Variants in ACP4 observed in about 807,000 individuals in gnomAD.
ACP4 encodes the protein acid phosphatase 4.
ACP4 carries 49 observed loss-of-function variants against 47.3 expected under a neutral mutation model. The observed-to-expected ratio is 1.04, with a 90% CI of 0.82 to 1.32. The LOEUF (loss-of-function observed/expected upper bound fraction) is 1.32. Ranked by LOEUF, ACP4 falls within the 40% of genes most tolerant of loss-of-function variation. The probability of loss-of-function intolerance (pLI) is 0.00; values close to 1 mark genes in which losing one functional copy is unlikely to be tolerated. For missense variants in ACP4, 594 were observed against 579.3 expected, an observed-to-expected ratio of 1.03 and a Z score of -0.26; for synonymous variants, 299 against 265.3, an observed-to-expected ratio of 1.13 and a Z score of -1.23.
At position 50,794,565 on chromosome 19, in the gene ACP4, C is replaced by A; in HGVS notation, c.970C>A (p.Pro324Thr). 1 of 1,614,030 alleles carries A rather than the reference C, an allele frequency of 6.2e-7. No homozygotes were observed. Among genetic ancestry groups the A allele is most frequent in the Non-Finnish European group, 8.5e-7 (1 of 1,180,000 alleles). ...GFEFRKHLGN[P>T]AKDGGNVTVS... ...TGAGTTCCGGAAGCACCTGGGGAATCCCGCCAAAGATGGAGGGTGAGAATG... is the reference window on the plus strand; with the variant it reads ...TGAGTTCCGGAAGCACCTGGGGAATACCGCCAAAGATGGAGGGTGAGAATG... Residue 324 changes from proline (P) to threonine (T), a missense_variant, in exon 9 of 11, where the codon CCC becomes ACC. By Grantham distance (38) the Pro-to-Thr change is conservative (BLOSUM62 -1). Coordinates refer to ENST00000270593, the MANE Select transcript of ACP4 (RefSeq NM_033068.3).
rs1054105766 is a variant in ACP4, at chr19:50,793,603, G to A, written c.646-81G>A. 34 of 1,560,676 alleles carry A rather than the reference G, an allele frequency of 2.2e-5. No homozygotes were observed. The African/African-American group carries it at 3.3e-4, about 15-fold the overall frequency. ...ATCCGGCCCATGGGGGGACTCAGAA[G>A]AGCAGGGGGCAGCACAGGCCTGCGG... is the stretch of plus-strand genomic sequence containing the variant. On this transcript the variant is annotated intron_variant, in intron 6 of 10. Transcript: ENST00000270593.
At position 50,791,637 on chromosome 19, in the gene ACP4, T is replaced by G; in HGVS notation, c.304-19T>G. 1 of 1,593,320 alleles carries G rather than the reference T, an allele frequency of 6.3e-7. No individual in the cohort carries two copies. The highest frequency in any genetic ancestry group is 8.6e-7 in the Non-Finnish European group (1 of 1,168,886). On this transcript the variant is annotated intron_variant, in intron 3 of 10. Transcript: ENST00000270593. ...CCCAACCACGACCCCCCGCGTGCCCTCTCTCCACCCCGCTCCAGGTGTACA... is the reference window on the plus strand; with the variant it reads ...CCCAACCACGACCCCCCGCGTGCCCGCTCTCCACCCCGCTCCAGGTGTACA...
At chr19:50,791,430 T>G (rs969354573) in intron 3 of ACP4, among the ~76,000 whole-genome samples, 1 of 152,158 alleles carries the variant, frequency 6.6e-6, no homozygotes, top group African/African-American at 2.4e-5. Context: ...ATTGACTCAA[T>G]TGACCCCCTA....
intron 8 of ACP4, among the ~76,000 whole-genome samples, 171 bp downstream of exon 8, chr19:50,794,141 G>A (rs1375346398): frequency 6.6e-6 from 1 of 152,204 alleles, no homozygotes; most frequent in African/African-American, 2.4e-5. Flanking sequence ...AAAGAGGGAG[G>A]TGACGGTGTT....
intron 3 of ACP4, 78 bp downstream of exon 3, chr19:50,790,938 C>T: frequency 7.2e-7 from 1 of 1,381,690 alleles, no homozygotes; most frequent in Non-Finnish European, 9.8e-7. Context: ...TCTCTTTGGG[C>T]CTCCACCTCT....
intron 3 of ACP4, 54 bp from the exon 4 acceptor site, chr19:50,791,602 G>C (rs535889418): frequency 1.1e-5 from 18 of 1,576,526 alleles, no homozygotes; most frequent in Non-Finnish European, 1.6e-5. Flanking sequence ...CACGACAGCT[G>C]ACCTCTGTCC....
At position 50,791,816 on chromosome 19, in the gene ACP4, A is replaced by G. The variant is rs772721896; in HGVS notation, c.450+14A>G. 8.2e-6 allele frequency: 13 copies of G among 1,581,866 alleles called. No individual in the cohort carries two copies. The highest frequency in any genetic ancestry group is 2.7e-5 in the African/African-American group (2 of 74,298). On this transcript the variant is annotated intron_variant, in intron 4 of 10. Coordinates refer to ENST00000270593, the MANE Select transcript of ACP4 (RefSeq NM_033068.3). ...GCTGAGGATAAGGTCAGGGGGCTGG[A>G]CCCACGTGTGGCGAGGGAGGGAGCG...
Position 50,792,172 on chromosome 19 carries a change from G to A in ACP4, c.549+1G>A. On this transcript the variant is annotated splice_donor_variant, in intron 5 of 10. Transcript: ENST00000270593. LOFTEE classifies it high-confidence loss of function. ...CCAGGAGGCCCTGGAGGGCTGGACG[G>A]TGAGCAGGGCGGCGGTGGGGGGCGG... The A allele has an allele frequency of 6.2e-7, 1 of 1,610,504 alleles. No homozygotes were observed. Among genetic ancestry groups the A allele is most frequent in the Non-Finnish European group, 8.5e-7 (1 of 1,179,468 alleles).
chr19:50,792,233 C>A lies in ACP4; in HGVS notation c.550-9C>A, dbSNP rs59340026. On this transcript the variant is annotated splice_polypyrimidine_tract_variant and intron_variant, in intron 5 of 10. Transcript: ENST00000270593. ...ATGGGCCTGGGCTCACCCAGCCCCG[C>A]GCATCCAGGGCTTCCTGAGTCGCCT... is the stretch of plus-strand genomic sequence containing the variant. 1 of 1,612,658 alleles carries A rather than the reference C, an allele frequency of 6.2e-7. No homozygotes were observed. Among genetic ancestry groups the A allele is most frequent in the African/African-American group, 1.3e-5 (1 of 74,924 alleles).
At chr19:50,793,594 G>C in intron 6 of ACP4, 90 bp from the exon 7 acceptor site, 5 of 1,530,242 alleles carry the variant, frequency 3.3e-6, no homozygotes, top group Admixed American at 2.0e-5. Context: ...CCCATGGGGG[G>C]ACTCAGAAGA....
Position 50,791,647 on chromosome 19 carries a change from C to T in ACP4, c.304-9C>T. 6.2e-7 allele frequency: 1 copy of T among 1,606,882 alleles called. No homozygotes were observed. Among genetic ancestry groups the T allele is most frequent in the Non-Finnish European group, 8.5e-7 (1 of 1,175,244 alleles). ...ACCCCCCGCGTGCCCTCTCTCCACC[C>T]CGCTCCAGGTGTACATCCGCAGCAC... is the stretch of plus-strand genomic sequence containing the variant. On this transcript the variant is annotated splice_polypyrimidine_tract_variant and intron_variant, in intron 3 of 10. Transcript: ENST00000270593.
chr19:50,793,652 C>G, intron 6 of ACP4, 32 bp from the exon 7 acceptor site: 1 of 1,607,274 alleles, frequency 6.2e-7, no homozygotes, highest in Non-Finnish European at 8.5e-7. Context: ...CTCGAGGGCT[C>G]AGGATGGTCC....
In ACP4 at chr19:50,794,870, T is replaced by C. The variant is rs1490820345; in HGVS notation, c.1071T>C (p.Cys357=). ...GCCTCCCCGGGTGCCCGGCCCCCTG[T>C]CCACTAGGCCGCTTCTACCAGCTGA... is the stretch of plus-strand genomic sequence containing the variant. ...PLSLPGCPAP[C]PLGRFYQLTA... The change falls in exon 10 of 11, where the codon TGT becomes TGC. Residue 357 remains cysteine (C), a synonymous_variant. Coordinates refer to ENST00000270593, the MANE Select transcript of ACP4 (RefSeq NM_033068.3). The C allele has an allele frequency of 1.2e-6, 2 of 1,613,750 alleles. No individual in the cohort carries two copies. The highest frequency in any genetic ancestry group is 1.7e-4 in the Middle Eastern group (1 of 6,056).
At chr19:50,793,843 G>C (rs775072153) in intron 7 of ACP4, 27 bp downstream of exon 7, 1 of 1,614,108 alleles carries the variant, frequency 6.2e-7, no homozygotes, top group East Asian at 2.2e-5. Flanking sequence ...GGAGGCTGGG[G>C]TGCCTTCCTC....
Position 50,795,131 on chromosome 19 carries a change from C to A in ACP4, c.1254C>A (p.Cys418Ter). The change falls in exon 11 of 11, where the codon TGC becomes TGA. Residue 418 changes from cysteine (C) to a stop codon, truncating the protein, a stop_gained. Transcript: ENST00000270593. LOFTEE classifies it high-confidence loss of function. Reference sequence around the variant, plus strand: ...GCCTGCTGGCCTGGAGACCAGGGTGCCTGCGGGCCTTGGGGGGCCCCGTGT... The same window carrying A: ...GCCTGCTGGCCTGGAGACCAGGGTGACTGCGGGCCTTGGGGGGCCCCGTGT... ...GLGLLAWRPGCLRALGGPV is the reference protein window; with the variant it reads ...GLGLLAWRPG 6.4e-7 allele frequency: 1 copy of A among 1,557,794 alleles called. No homozygotes were observed.
rs776940589 is a variant in ACP4 at position 50,795,171 on chromosome 19, G to C, written c.*13G>C. ...GGGCCCCGTGTGAGCCAGAAACCAG[G>C]GCTTCCCTACCCCCAGCTGACACTG... On this transcript the variant is annotated 3_prime_UTR_variant, in exon 11 of 11. Coordinates refer to ENST00000270593, the MANE Select transcript of ACP4 (RefSeq NM_033068.3). 60 of 1,530,288 alleles carry C rather than the reference G, an allele frequency of 3.9e-5. 1 individual carries two copies. In the South Asian group the frequency reaches 6.8e-4, roughly 17 times the overall value. 94.8% of individuals were successfully genotyped at this position (1,530,288 alleles called of 1,614,324 possible).
rs762058924 is a variant in ACP4 at position 50,794,957 on chromosome 19, C to T, written c.1158C>T (p.Ile386=). The change falls in exon 10 of 11, where the codon ATC becomes ATT. Residue 386 remains isoleucine (I), a synonymous_variant. Transcript: ENST00000270593. The stretch of plus-strand genomic sequence containing the variant: ...GCCATGGCCCCTATGAGGCTGCCAT[C>T]CCCCCAGGTGACAGTCCTCTGTGTT... ...VSCHGPYEAA[I]PPAPVVPLLA... is the part of the protein sequence containing the mutation. 2 of 1,612,750 alleles carry T rather than the reference C, an allele frequency of 1.2e-6. No homozygotes were observed. Among genetic ancestry groups the T allele is most frequent in the Non-Finnish European group, 1.7e-6 (2 of 1,179,468 alleles).
intron 8 of ACP4, 68 bp from the exon 9 acceptor site, chr19:50,794,389 C>T: frequency 6.3e-7 from 1 of 1,589,982 alleles, no homozygotes. Context: ...TCTGGATGCG[C>T]AAGTGTAGTG....
rs1297198594 is a variant in ACP4, at chr19:50,790,562, C to T, written c.112-32C>T. The stretch of plus-strand genomic sequence containing the variant: ...CCACCCCGGCCTGCCCTTAGCTCCC[C>T]CAGGGCTAGCCCTGACCAGTCCTGT... On this transcript the variant is annotated intron_variant, in intron 1 of 10. Coordinates refer to ENST00000270593, the MANE Select transcript of ACP4 (RefSeq NM_033068.3). 5 of 1,541,026 alleles carry T rather than the reference C, an allele frequency of 3.2e-6. No homozygotes were observed. The South Asian group carries it at 3.6e-5, about 11-fold the overall frequency.
Sources: allele counts gnomAD v4.1 joint callset (sites outside exome capture counted in the v4.1 genomes callset), GRCh38; gene constraint gnomAD v4.1.1; transcripts MANE v1.5; gene names NCBI Gene and HGNC (gene_info 2026-07-23, HGNC 2026-07-21).